The following MBNL1 variants were observed in gnomAD, a reference collection of about 807,000 sequenced individuals.
MBNL1 encodes the protein muscleblind-like protein 1.
A neutral mutation model predicts 42.2 loss-of-function variants in MBNL1; 8 were observed. That is an observed-to-expected ratio of 0.19 (90% CI 0.11 to 0.34). The LOEUF (loss-of-function observed/expected upper bound fraction) is 0.34, where lower values mean the gene tolerates loss of function less well. Ranked by LOEUF, MBNL1 falls within the 10% of genes least tolerant of loss-of-function variation. The pLI, the probability that MBNL1 is intolerant of heterozygous loss-of-function variation, is 1.00. For synonymous variants in MBNL1, 169 were observed against 173.9 expected (o/e 0.97, Z 0.22); for missense variants, 309 against 495.3 (o/e 0.62, Z 3.57).
At chr3:152,345,333 A>G (rs955903505) in intron 2 of MBNL1, among the ~76,000 whole-genome samples, 4 of 152,032 alleles carry the variant, frequency 2.6e-5, no homozygotes, top group Non-Finnish European at 2.9e-5. Flanking sequence ...TTACTCCTTT[A>G]AAAGCGTAAG....
chr3:152,269,877 T>C (rs1056690372), intron 1 of MBNL1: 6 of 154,314 alleles, frequency 3.9e-5, no homozygotes, highest in African/African-American at 1.5e-4. Context: ...GGTTCTGGTT[T>C]TTAGACAAAA....
intron 2 of MBNL1, among the ~76,000 whole-genome samples, chr3:152,385,725 C>T (rs561306865): frequency 7.7e-4 from 117 of 152,134 alleles, no homozygotes; most frequent in African/African-American, 2.6e-3. Flanking sequence ...TAGAGTGATA[C>T]TGAAGTGGTG....
chr3:152,384,857 G>T (rs2097342356), intron 2 of MBNL1, among the ~76,000 whole-genome samples: 1 of 152,052 alleles, frequency 6.6e-6, no homozygotes. Context: ...TGTACCATTA[G>T]ATAGGCTGTG....
At chr3:152,335,182 T>C (rs1197957721) in intron 2 of MBNL1, 1 of 1,289,736 alleles carries the variant, frequency 7.8e-7, no homozygotes, top group East Asian at 5.6e-5. Flanking sequence ...AAGAAGAAGC[T>C]GTATCTTATC....
At chr3:152,413,747 G>A (rs1287906026) in intron 2 of MBNL1, among the ~76,000 whole-genome samples, 4 of 152,084 alleles carry the variant, frequency 2.6e-5, no homozygotes, top group African/African-American at 7.2e-5. Context: ...TCTACTGCTT[G>A]TAAACAGTTT....
chr3:152,403,444 T>C (rs896635618), intron 2 of MBNL1, among the ~76,000 whole-genome samples: 2 of 152,226 alleles, frequency 1.3e-5, no homozygotes, highest in Non-Finnish European at 2.9e-5. Flanking sequence ...TTTATAGTTG[T>C]CATCTATTTT....
At chr3:152,412,564 A>T (rs1355138113) in intron 2 of MBNL1, among the ~76,000 whole-genome samples, 1 of 152,158 alleles carries the variant, frequency 6.6e-6, no homozygotes, top group Non-Finnish European at 1.5e-5. Context: ...GGAGAACAGC[A>T]TTTTTCCTGA....
At chr3:152,415,721 A>G (rs1408828757) in intron 3 of MBNL1, among the ~76,000 whole-genome samples, 1 of 152,236 alleles carries the variant, frequency 6.6e-6, no homozygotes, top group Admixed American at 6.5e-5. Flanking sequence ...TTAAAGAGCT[A>G]AAGTTGAAAA....
At chr3:152,330,335 A>G (rs1285848816) in intron 2 of MBNL1, among the ~76,000 whole-genome samples, 2 of 152,144 alleles carry the variant, frequency 1.3e-5, no homozygotes, top group African/African-American at 2.4e-5. Flanking sequence ...CCTGGCTTCA[A>G]GTGATCCTCC....
At chr3:152,306,652 GTTGCC>G (rs2063310985) in intron 2 of MBNL1, among the ~76,000 whole-genome samples, 1 of 152,126 alleles carries the variant, frequency 6.6e-6, no homozygotes, top group African/African-American at 2.4e-5. Flanking sequence ...TTAAAAAACT[GTTGCC>G]TTGATTGAAA....
intron 6 of MBNL1, 21 bp from the exon 7 acceptor site, chr3:152,455,521 G>A: frequency 1.2e-6 from 2 of 1,608,244 alleles, no homozygotes; most frequent in Non-Finnish European, 1.7e-6. Context: ...CCACCTTCCT[G>A]TTGCAATGCA....
chr3:152,436,909 T>C (rs1294824684), intron 4 of MBNL1, among the ~76,000 whole-genome samples: 1 of 152,184 alleles, frequency 6.6e-6, no homozygotes, highest in Non-Finnish European at 1.5e-5. Flanking sequence ...GCTTCCTGTC[T>C]TATTCTTGTT....
At chr3:152,380,685 A>G (rs1037425916) in intron 2 of MBNL1, among the ~76,000 whole-genome samples, 3 of 151,966 alleles carry the variant, frequency 2.0e-5, no homozygotes, top group Non-Finnish European at 2.9e-5. Context: ...GCATTTTCAC[A>G]TTATGTACTT....
chr3:152,369,640 TG>T (rs1459627195), intron 2 of MBNL1, among the ~76,000 whole-genome samples: 1 of 152,204 alleles, frequency 6.6e-6, no homozygotes, highest in African/African-American at 2.4e-5. Context: ...CATCTGGTCC[TG>T]GGCTTTTTTT....
intron 2 of MBNL1, among the ~76,000 whole-genome samples, chr3:152,346,837 A>G (rs925830953): frequency 1.4e-4 from 21 of 150,830 alleles, no homozygotes; most frequent in Non-Finnish European, 8.9e-5. Context: ...GTATAGTGAC[A>G]TTGTCCCAGT....
At chr3:152,305,351 C>A (rs1288172670) in intron 2 of MBNL1, among the ~76,000 whole-genome samples, 2 of 152,102 alleles carry the variant, frequency 1.3e-5, no homozygotes, top group Non-Finnish European at 2.9e-5. Flanking sequence ...ATTTTCCTTG[C>A]CAAGGATAAG....
intron 2 of MBNL1, among the ~76,000 whole-genome samples, chr3:152,332,639 G>C (rs902656780): frequency 6.6e-6 from 1 of 152,062 alleles, no homozygotes; most frequent in South Asian, 2.1e-4. Context: ...AATTCTGACA[G>C]AGGGGAGGTG....
chr3:152,367,859 C>A (rs376189612), intron 2 of MBNL1, among the ~76,000 whole-genome samples: 14 of 152,024 alleles, frequency 9.2e-5, no homozygotes, highest in African/African-American at 2.9e-4. Flanking sequence ...ATCCTTTGCC[C>A]ACTTTTTGAT....
At position 152,443,485 on chromosome 3, in the gene MBNL1, T is replaced by TACACACACACACACACACACACAC. The variant is rs150370083; in HGVS notation, c.550-1774_550-1773insCACACACACACACACACACACACA. ...TTTATGCAGTAGTATATATTTAGCATACACACACACACACACACACACAAC... is the reference window on the plus strand; with the variant it reads ...TTTATGCAGTAGTATATATTTAGCATACACACACACACACACACACACACACACACACACACACACACACACAAC... On this transcript the variant is annotated intron_variant, in intron 4 of 9. Coordinates refer to ENST00000324210, the MANE Select transcript of MBNL1 (RefSeq NM_021038.5). 4.1e-3 allele frequency among the ~76,000 whole-genome samples: 593 copies of TACACACACACACACACACACACAC among 144,964 alleles called. 6 individuals are homozygous for TACACACACACACACACACACACAC. Among genetic ancestry groups the TACACACACACACACACACACACAC allele is most frequent in the African/African-American group, 0.011 (423 of 38,714 alleles).
Sources: gnomAD v4.1 joint callset for allele counts (sites outside exome capture counted in the v4.1 genomes callset) on GRCh38, gnomAD v4.1.1 for gene constraint, MANE v1.5 for transcripts, NCBI Gene and HGNC (gene_info 2026-07-23, HGNC 2026-07-21) for gene names.